MSL2: variants seen among roughly 807,000 people sequenced by gnomAD.
MSL2 encodes the protein E3 ubiquitin-protein ligase MSL2.
Under a neutral mutation model 35.8 loss-of-function variants are expected in MSL2, and 2 were observed. The ratio of observed to expected loss-of-function variants is 0.06; its 90% confidence interval spans 0.02 to 0.18. MSL2 has a LOEUF of 0.18. Ranked by LOEUF, MSL2 falls within the 10% of genes least tolerant of loss-of-function variation. MSL2 has a pLI of 1.00. For missense variants in MSL2, 523 were observed against 706.7 expected (o/e 0.74, Z 2.95); for synonymous variants, 296 against 255.7 (o/e 1.16, Z -1.50).
At chr3:136,185,702 C>T (rs1039682187) in intron 1 of MSL2, among the ~76,000 whole-genome samples, 11 of 151,980 alleles carry the variant, frequency 7.2e-5, no homozygotes, top group Admixed American at 2.0e-4. Flanking sequence ...GACAGGGTTT[C>T]ACCATGTTGG....
Position 136,152,209 on chromosome 3 carries a change from A to T in MSL2, c.672T>A (p.Val224=). 1 of 1,614,192 alleles carries T rather than the reference A, an allele frequency of 6.2e-7. No homozygotes were observed. The highest frequency in any genetic ancestry group is 8.5e-7 in the Non-Finnish European group (1 of 1,179,986). The change falls in exon 2 of 2, where the codon GTT becomes GTA. Residue 224 remains valine, a synonymous_variant. Transcript: ENST00000309993. ...HSNTIDVCNT[V]DIKTEDLSDS... The stretch of plus-strand genomic sequence containing the variant: ...CAGACAGATCCTCAGTTTTTATGTC[A>T]ACAGTATTACATACGTCAATCGTAT...
intron 1 of MSL2, among the ~76,000 whole-genome samples, chr3:136,188,569 G>A (rs556201600): frequency 1.3e-5 from 2 of 151,978 alleles, no homozygotes; most frequent in Non-Finnish European, 2.9e-5. Context: ...GGACAATACA[G>A]CAAAACCCCA....
chr3:136,152,490 C>G lies in MSL2; in HGVS notation c.391G>C (p.Ala131Pro). 1 of 1,614,148 alleles carries G rather than the reference C, an allele frequency of 6.2e-7. No individual in the cohort carries two copies. The highest frequency in any genetic ancestry group is 8.5e-7 in the Non-Finnish European group (1 of 1,180,024). Reference sequence around the variant, plus strand: ...AACAATGATCCATCATTAAGCAAAGCCAAAATATCAGAAGAACAGTCAACT... The same window carrying G: ...AACAATGATCCATCATTAAGCAAAGGCAAAATATCAGAAGAACAGTCAACT... ...EAVDCSSDIL[A>P]LLNDGSLFCE... The change falls in exon 2 of 2, where the codon GCT becomes CCT. Residue 131 changes from alanine (A) to proline (P), a missense_variant. This residue lies in a region of MSL2 where 361 missense variants were observed against 414.6 expected (regional missense o/e 0.87). Coordinates refer to ENST00000309993, the MANE Select transcript of MSL2 (RefSeq NM_018133.4).
chr3:136,165,565 AT>A (rs895219030), intron 1 of MSL2, among the ~76,000 whole-genome samples: 1 of 152,210 alleles, frequency 6.6e-6, no homozygotes, highest in Non-Finnish European at 1.5e-5. Flanking sequence ...TTAATATCAG[AT>A]TTTTTAATGC....
Position 136,151,266 on chromosome 3 carries a change from C to A in MSL2, c.1615G>T (p.Ala539Ser), listed in dbSNP as rs1425041718. 4 of 1,614,104 alleles carry A rather than the reference C, an allele frequency of 2.5e-6. No homozygotes were observed. Among genetic ancestry groups the A allele is most frequent in the Non-Finnish European group, 3.4e-6 (4 of 1,180,054 alleles). Residue 539 changes from alanine to serine, a missense_variant, in exon 2 of 2, where the codon GCT becomes TCT. By Grantham distance (99) the Ala-to-Ser change is moderately conservative (BLOSUM62 1). Coordinates refer to ENST00000309993, the MANE Select transcript of MSL2 (RefSeq NM_018133.4). The surrounding 1 kb of genome is among the most constrained non-coding windows in gnomAD (Gnocchi z 5.2). ...INVTSIAVRN[A>S]STSTSVINVT... Reference sequence around the variant, plus strand: ...TTTATTACACTGGTGCTGGTACTAGCGTTACGCACAGCAATGCTAGTCACG... The same window carrying A: ...TTTATTACACTGGTGCTGGTACTAGAGTTACGCACAGCAATGCTAGTCACG...
At chr3:136,184,747 AAAAGG>A (rs967310168) in intron 1 of MSL2, among the ~76,000 whole-genome samples, 2 of 84,944 alleles carry the variant, frequency 2.4e-5, no homozygotes, top group African/African-American at 1.1e-4. Flanking sequence ...TAAAAAAAAA[AAAAGG>A]GGGGGGGGGG....
chr3:136,193,397 GATA>G (rs1333198038), intron 1 of MSL2, among the ~76,000 whole-genome samples: 1 of 152,012 alleles, frequency 6.6e-6, no homozygotes, highest in Non-Finnish European at 1.5e-5. Context: ...AATGTTAACT[GATA>G]ATGACATCAC....
intron 1 of MSL2, among the ~76,000 whole-genome samples, chr3:136,156,973 A>G (rs990172895): frequency 6.6e-6 from 1 of 152,256 alleles, no homozygotes; most frequent in Non-Finnish European, 1.5e-5. Context: ...GAGTGATAAA[A>G]CTACATATTG....
At chr3:136,171,580 G>T (rs1458492302) in intron 1 of MSL2, among the ~76,000 whole-genome samples, 3 of 152,164 alleles carry the variant, frequency 2.0e-5, no homozygotes, top group Non-Finnish European at 4.4e-5. Flanking sequence ...GGGGATTTGG[G>T]TATTACATCA....
At chr3:136,159,354 CTTTTTTTT>C (rs71157361) in intron 1 of MSL2, among the ~76,000 whole-genome samples, 10 of 70,066 alleles carry the variant, frequency 1.4e-4, no homozygotes, top group Admixed American at 1.7e-4. Context: ...AGAGTACTTT[CTTTTTTTT>C]TTTTTTTTTT....
intron 1 of MSL2, among the ~76,000 whole-genome samples, chr3:136,163,351 G>C (rs540217367): frequency 6.6e-6 from 1 of 152,306 alleles, no homozygotes; most frequent in African/African-American, 2.4e-5. Context: ...TCTTAAATGT[G>C]TATTTCCTAG....
chr3:136,159,742 T>C (rs532235170), intron 1 of MSL2, among the ~76,000 whole-genome samples: 5 of 152,088 alleles, frequency 3.3e-5, no homozygotes, highest in African/African-American at 1.2e-4. Flanking sequence ...AACAAACTTA[T>C]ACCCTTACCT....
intron 1 of MSL2, among the ~76,000 whole-genome samples, chr3:136,173,025 T>C (rs1013725523): frequency 5.9e-5 from 9 of 152,044 alleles, no homozygotes; most frequent in African/African-American, 1.9e-4. Flanking sequence ...CAGCCAGGCA[T>C]GGTGGTGTGC....
At chr3:136,172,594 C>T (rs1940058894) in intron 1 of MSL2, among the ~76,000 whole-genome samples, 1 of 152,178 alleles carries the variant, frequency 6.6e-6, no homozygotes, top group African/African-American at 2.4e-5. Flanking sequence ...TCCCCTAACA[C>T]TGTCTCCGTC....
chr3:136,162,493 G>A (rs573180180), intron 1 of MSL2, among the ~76,000 whole-genome samples: 5 of 152,140 alleles, frequency 3.3e-5, no homozygotes, highest in South Asian at 4.1e-4. Flanking sequence ...AAGATGAGAC[G>A]ATGGCTTGAG....
chr3:136,193,251 G>A (rs2108100687), intron 1 of MSL2, among the ~76,000 whole-genome samples: 1 of 152,226 alleles, frequency 6.6e-6, no homozygotes, highest in Non-Finnish European at 1.5e-5. Context: ...GCTATTAATA[G>A]GAACTTAAAA....
intron 1 of MSL2, among the ~76,000 whole-genome samples, chr3:136,164,245 T>C (rs531334687): frequency 6.6e-5 from 10 of 152,212 alleles, no homozygotes; most frequent in Non-Finnish European, 1.5e-4. Context: ...CCAGCTAATA[T>C]GTTAATCAAA....
At chr3:136,153,111 G>T (rs557636973) in intron 1 of MSL2, 1 of 946,758 alleles carries the variant, frequency 1.1e-6, no homozygotes, top group Non-Finnish European at 1.3e-6. Flanking sequence ...GTGGTGGTGT[G>T]TGCCTGTAAT....
In MSL2 at chr3:136,151,754, C is replaced by A; in HGVS notation, c.1127G>T (p.Arg376Leu). Residue 376 changes from arginine (R) to leucine (L), a missense_variant, in exon 2 of 2, where the codon CGG (arginine) becomes CTG (leucine). Physicochemically the swap from Arg to Leu is moderately radical, Grantham distance 102. This residue lies in a region of MSL2 where 361 missense variants were observed against 414.6 expected (regional missense o/e 0.87). Coordinates refer to ENST00000309993, the MANE Select transcript of MSL2 (RefSeq NM_018133.4). This position sits in a 1 kb window ranked among gnomAD's most constrained non-coding sequence, Gnocchi z 5.2. ...AGGTTGAAGAGAAATTTTGCTCTCC[C>A]GTTTCACTGTCACAGGAGCAGATGC... ...LGASAPVTVKRESKISLQPIA... is the reference protein window; with the variant it reads ...LGASAPVTVKLESKISLQPIA... 1 of 1,614,154 alleles carries A rather than the reference C, an allele frequency of 6.2e-7. No individual in the cohort carries two copies. The highest frequency in any genetic ancestry group is 1.1e-5 in the South Asian group (1 of 91,080).
Sources: gnomAD v4.1 joint callset for allele counts (sites outside exome capture counted in the v4.1 genomes callset) on GRCh38, gnomAD v4.1.1 for gene constraint, gnomAD v4.1.1 regional missense constraint, Gnocchi (gnomAD v3.1) non-coding constraint, MANE v1.5 for transcripts, NCBI Gene and HGNC (gene_info 2026-07-23, HGNC 2026-07-21) for gene names.